Variants in ETV2 observed in about 807,000 individuals in gnomAD.
ETV2 encodes the protein ETS translocation variant 2.
A neutral mutation model predicts 35.7 loss-of-function variants in ETV2; 34 were observed. The observed-to-expected ratio is 0.95, with a 90% CI of 0.72 to 1.27. The LOEUF is 1.27. Ranked by LOEUF, ETV2 falls within the 50% of genes most tolerant of loss-of-function variation. ETV2 has a pLI of 0.00. For missense variants in ETV2, 512 were observed against 470.5 expected (o/e 1.09, Z -0.82); for synonymous variants, 207 against 203.9 (o/e 1.02, Z -0.13).
chr19:35,642,777 C>T lies in ETV2; in HGVS notation c.154+79C>T, dbSNP rs1478827389. The stretch of plus-strand genomic sequence containing the variant: ...TCCTAGGGCAAAGGGAGGAGGGGGG[C>T]GTGCCTAGGTTCCTGGGACTGGGTG... On this transcript the variant is annotated intron_variant, in intron 3 of 6. Coordinates refer to ENST00000402764, the MANE Select transcript of ETV2 (RefSeq NM_014209.4). This position sits in a 1 kb window ranked among gnomAD's most constrained non-coding sequence, Gnocchi z 4.4. 4 of 1,052,364 alleles carry T rather than the reference C, an allele frequency of 3.8e-6. No individual in the cohort carries two copies. Among genetic ancestry groups the T allele is most frequent in the Non-Finnish European group, 5.5e-6 (4 of 728,396 alleles). 65.2% of individuals were successfully genotyped at this position (1,052,364 alleles called of 1,614,324 possible).
Position 35,644,179 on chromosome 19 carries a change from A to C in ETV2, c.716-56A>C. On this transcript the variant is annotated intron_variant, in intron 5 of 6. Coordinates refer to ENST00000402764, the MANE Select transcript of ETV2 (RefSeq NM_014209.4). This position sits in a 1 kb window ranked among gnomAD's most constrained non-coding sequence, Gnocchi z 4.7. Reference sequence around the variant, plus strand: ...GAGGACCCGGACCTCTAGATCATTGAAGTGGTGTGATCTAGGGCCGGGAAG... The same window carrying C: ...GAGGACCCGGACCTCTAGATCATTGCAGTGGTGTGATCTAGGGCCGGGAAG... 1 of 1,174,222 alleles carries C rather than the reference A, an allele frequency of 8.5e-7. No homozygotes were observed. 72.7% of individuals were successfully genotyped at this position (1,174,222 alleles called of 1,614,324 possible). A position where few individuals can be genotyped will look rare whatever the true frequency, so the allele number is the denominator to read the frequency against.
In ETV2 at chr19:35,643,448, G is replaced by A; in HGVS notation, c.410G>A (p.Gly137Glu). The A allele has an allele frequency of 6.5e-7, 1 of 1,547,052 alleles. No individual in the cohort carries two copies. The highest frequency in any genetic ancestry group is 8.7e-7 in the Non-Finnish European group (1 of 1,145,720). ...GGCCAGAACTGCGTCCCCGTGGCGG[G>A]AGAGGCCACCTCGTGGTCGCGCGCC... ...AAGQNCVPVA[G>E]EATSWSRAQA... The change falls in exon 5 of 7, where the codon GGA becomes GAA. Residue 137 changes from glycine (G) to glutamate (E), a missense_variant. Coordinates refer to ENST00000402764, the MANE Select transcript of ETV2 (RefSeq NM_014209.4). This position sits in a 1 kb window ranked among gnomAD's most constrained non-coding sequence, Gnocchi z 5.0.
Position 35,644,531 on chromosome 19 carries a change from T to G in ETV2, c.829-121T>G. The G allele has an allele frequency of 9.7e-7, 1 of 1,033,110 alleles. No homozygotes were observed. Among genetic ancestry groups the G allele is most frequent in the Non-Finnish European group, 1.4e-6 (1 of 713,954 alleles). The allele number at this position is 1,033,110 out of a possible 1,614,324, so 64.0% of individuals were successfully genotyped here. On this transcript the variant is annotated intron_variant, in intron 6 of 6. Transcript: ENST00000402764. The surrounding 1 kb of genome is among the most constrained non-coding windows in gnomAD (Gnocchi z 4.7). ...TACTCCTGCCTCAACCAACCCAGTC[T>G]CCACCGGGCTCTGCGAGGCCTCGCC...
In ETV2 at chr19:35,642,607, G is replaced by A. The variant is rs1293466160; in HGVS notation, c.71-8G>A. ...CCTCTGCTGACCCTAACCCCTTATC[G>A]CCTGCAGAAGGAGCCAAATTAGGCT... On this transcript the variant is annotated splice_region_variant and splice_polypyrimidine_tract_variant and intron_variant, in intron 2 of 6. Transcript: ENST00000402764. This position sits in a 1 kb window ranked among gnomAD's most constrained non-coding sequence, Gnocchi z 4.4. 2.5e-6 allele frequency: 4 copies of A among 1,610,726 alleles called. No individual in the cohort carries two copies. Among genetic ancestry groups the A allele is most frequent in the East Asian group, 2.2e-5 (1 of 44,800 alleles).
chr19:35,644,624 A>T lies in ETV2; in HGVS notation c.829-28A>T. The T allele has an allele frequency of 6.3e-7, 1 of 1,590,364 alleles. No homozygotes were observed. Among genetic ancestry groups the T allele is most frequent in the Non-Finnish European group, 8.6e-7 (1 of 1,167,860 alleles). Reference sequence around the variant, plus strand: ...CTATCGCCAAGCCCCGCCCCTTCCCACTCCGACCGAGCGGGCCTCTGTCCT... The same window carrying T: ...CTATCGCCAAGCCCCGCCCCTTCCCTCTCCGACCGAGCGGGCCTCTGTCCT... On this transcript the variant is annotated intron_variant, in intron 6 of 6. Transcript: ENST00000402764. This position sits in a 1 kb window ranked among gnomAD's most constrained non-coding sequence, Gnocchi z 4.7.
rs145255223 is a variant in ETV2, at chr19:35,644,762, G to C, written c.939G>C (p.Gly313=). 1.4e-4 allele frequency: 230 copies of C among 1,611,112 alleles called. No homozygotes were observed. In the African/African-American group the frequency reaches 2.7e-3, roughly 19 times the overall value. Residue 313 remains glycine (G), a synonymous_variant, in exon 7 of 7, where the codon GGG becomes GGC. Coordinates refer to ENST00000402764, the MANE Select transcript of ETV2 (RefSeq NM_014209.4). This position sits in a 1 kb window ranked among gnomAD's most constrained non-coding sequence, Gnocchi z 4.7. ...YRRDIVRKSG[G]RKYTYRFGGR... is the part of the protein sequence containing the mutation. ...GCGACATCGTGCGCAAGAGCGGGGGGCGAAAGTACACGTACCGCTTCGGGG... is the reference window on the plus strand; with the variant it reads ...GCGACATCGTGCGCAAGAGCGGGGGCCGAAAGTACACGTACCGCTTCGGGG...
Position 35,642,865 on chromosome 19 carries a change from C to T in ETV2, c.155-100C>T, listed in dbSNP as rs1331323433. 2 of 980,530 alleles carry T rather than the reference C, an allele frequency of 2.0e-6. No individual in the cohort carries two copies. 60.7% of individuals were successfully genotyped at this position (980,530 alleles called of 1,614,324 possible). A position where few individuals can be genotyped will look rare whatever the true frequency, so the allele number is the denominator to read the frequency against. ...AAAGGGGGCGCGGGGTGCTGAAATACGGGCTGGGGGGCCATAACTCCCAGT... is the reference window on the plus strand; with the variant it reads ...AAAGGGGGCGCGGGGTGCTGAAATATGGGCTGGGGGGCCATAACTCCCAGT... On this transcript the variant is annotated intron_variant, in intron 3 of 6. Coordinates refer to ENST00000402764, the MANE Select transcript of ETV2 (RefSeq NM_014209.4). The surrounding 1 kb of genome is among the most constrained non-coding windows in gnomAD (Gnocchi z 4.4).
Position 35,644,155 on chromosome 19 carries a change from A to C in ETV2, c.716-80A>C. On this transcript the variant is annotated intron_variant, in intron 5 of 6. Coordinates refer to ENST00000402764, the MANE Select transcript of ETV2 (RefSeq NM_014209.4). The surrounding 1 kb of genome is among the most constrained non-coding windows in gnomAD (Gnocchi z 4.7). The stretch of plus-strand genomic sequence containing the variant: ...CTCGGGTCCTGGGTCCCGAGTTGGG[A>C]GGACCCGGACCTCTAGATCATTGAA... The C allele has an allele frequency of 2.0e-6, 2 of 980,478 alleles. No homozygotes were observed. The highest frequency in any genetic ancestry group is 3.2e-6 in the Non-Finnish European group (2 of 632,832). 60.7% of individuals were successfully genotyped at this position (980,478 alleles called of 1,614,324 possible). A position where few individuals can be genotyped will look rare whatever the true frequency, so the allele number is the denominator to read the frequency against.
At position 35,643,167 on chromosome 19, in the gene ETV2, G is replaced by A; in HGVS notation, c.236-107G>A. Reference sequence around the variant, plus strand: ...CTGCGCCCTCAAGGTGGCATGACCTGGATCCGGGTCAGCCGGGCCCCAAGT... The same window carrying A: ...CTGCGCCCTCAAGGTGGCATGACCTAGATCCGGGTCAGCCGGGCCCCAAGT... On this transcript the variant is annotated intron_variant, in intron 4 of 6. Transcript: ENST00000402764. This position sits in a 1 kb window ranked among gnomAD's most constrained non-coding sequence, Gnocchi z 5.0. 1 of 1,477,650 alleles carries A rather than the reference G, an allele frequency of 6.8e-7. No homozygotes were observed. 91.5% of individuals were successfully genotyped at this position (1,477,650 alleles called of 1,614,324 possible).
In ETV2 at chr19:35,643,359, G is replaced by A. The variant is rs751766994; in HGVS notation, c.321G>A (p.Gln107=). The change falls in exon 5 of 7, where the codon CAG becomes CAA. Residue 107 remains glutamine, a synonymous_variant. Transcript: ENST00000402764. This position sits in a 1 kb window ranked among gnomAD's most constrained non-coding sequence, Gnocchi z 5.0. ...TAWDSWSGAS[Q]TLGPAPLGPG... is the part of the protein sequence containing the mutation. Reference sequence around the variant, plus strand: ...GGGACTCTTGGAGCGGCGCCTCGCAGACCCTGGGCCCCGCCCCTCTCGGCC... The same window carrying A: ...GGGACTCTTGGAGCGGCGCCTCGCAAACCCTGGGCCCCGCCCCTCTCGGCC... The A allele has an allele frequency of 6.3e-7, 1 of 1,581,504 alleles. No homozygotes were observed. Among genetic ancestry groups the A allele is most frequent in the Admixed American group, 1.8e-5 (1 of 55,534 alleles).
At position 35,644,404 on chromosome 19, in the gene ETV2, C is replaced by A; in HGVS notation, c.828+57C>A. On this transcript the variant is annotated intron_variant, in intron 6 of 6. Transcript: ENST00000402764. The surrounding 1 kb of genome is among the most constrained non-coding windows in gnomAD (Gnocchi z 4.7). ...CCCCGTCTCTTCTAGTTCAATTTAG[C>A]TCCGCCCAAGGGCTAGGTTCAACCG... 3 of 1,246,738 alleles carry A rather than the reference C, an allele frequency of 2.4e-6. No individual in the cohort carries two copies. Among genetic ancestry groups the A allele is most frequent in the Non-Finnish European group, 2.3e-6 (2 of 875,118 alleles). The allele number at this position is 1,246,738 out of a possible 1,614,324, so 77.2% of individuals were successfully genotyped here.
chr19:35,643,068 G>A lies in ETV2; in HGVS notation c.235+23G>A. Reference sequence around the variant, plus strand: ...CGGGTGAGTGTGGGGAGAGGCGGTGGGAGGTGGGGACTGGGGTCCCGAGGC... The same window carrying A: ...CGGGTGAGTGTGGGGAGAGGCGGTGAGAGGTGGGGACTGGGGTCCCGAGGC... On this transcript the variant is annotated intron_variant, in intron 4 of 6. Coordinates refer to ENST00000402764, the MANE Select transcript of ETV2 (RefSeq NM_014209.4). This position sits in a 1 kb window ranked among gnomAD's most constrained non-coding sequence, Gnocchi z 5.0. The A allele has an allele frequency of 6.7e-7, 1 of 1,488,474 alleles. No individual in the cohort carries two copies. Among genetic ancestry groups the A allele is most frequent in the Non-Finnish European group, 9.1e-7 (1 of 1,094,748 alleles). The allele number at this position is 1,488,474 out of a possible 1,614,324, so 92.2% of individuals were successfully genotyped here. A position where few individuals can be genotyped will look rare whatever the true frequency, so the allele number is the denominator to read the frequency against.
At position 35,644,837 on chromosome 19, in the gene ETV2, A is replaced by G. The variant is rs1461636351; in HGVS notation, c.1014A>G (p.Gly338=). Residue 338 remains glycine, a synonymous_variant, in exon 7 of 7, where the codon GGA becomes GGG. Transcript: ENST00000402764. The surrounding 1 kb of genome is among the most constrained non-coding windows in gnomAD (Gnocchi z 4.7). Reference sequence around the variant, plus strand: ...CGGACTGTGCGGGAGGCGGACGGGGAGCAGAGACACAATAAAAATTCCCGG... The same window carrying G: ...CGGACTGTGCGGGAGGCGGACGGGGGGCAGAGACACAATAAAAATTCCCGG... The part of the protein sequence containing the change: ...AYPDCAGGGR[G]AETQ 1 of 1,604,520 alleles carries G rather than the reference A, an allele frequency of 6.2e-7. No individual in the cohort carries two copies. Among genetic ancestry groups the G allele is most frequent in the Admixed American group, 1.7e-5 (1 of 58,328 alleles).
Position 35,643,365 on chromosome 19 carries a change from G to T in ETV2, c.327G>T (p.Leu109=). ...WDSWSGASQT[L]GPAPLGPGPI... is the part of the protein sequence containing the mutation. ...CTTGGAGCGGCGCCTCGCAGACCCTGGGCCCCGCCCCTCTCGGCCCGGGCC... is the reference window on the plus strand; with the variant it reads ...CTTGGAGCGGCGCCTCGCAGACCCTTGGCCCCGCCCCTCTCGGCCCGGGCC... The change falls in exon 5 of 7, where the codon CTG becomes CTT. Residue 109 remains leucine (L), a synonymous_variant. Coordinates refer to ENST00000402764, the MANE Select transcript of ETV2 (RefSeq NM_014209.4). This position sits in a 1 kb window ranked among gnomAD's most constrained non-coding sequence, Gnocchi z 5.0. 1 of 1,575,662 alleles carries T rather than the reference G, an allele frequency of 6.3e-7. No homozygotes were observed.
rs1258779934 is a variant in ETV2, at chr19:35,642,771, G to A, written c.154+73G>A. The A allele has an allele frequency of 1.7e-5, 21 of 1,271,956 alleles. No individual in the cohort carries two copies. The highest frequency in any genetic ancestry group is 4.1e-5 in the Admixed American group (2 of 48,664). 78.8% of individuals were successfully genotyped at this position (1,271,956 alleles called of 1,614,324 possible). The stretch of plus-strand genomic sequence containing the variant: ...CTGGGATCCTAGGGCAAAGGGAGGA[G>A]GGGGGCGTGCCTAGGTTCCTGGGAC... On this transcript the variant is annotated intron_variant, in intron 3 of 6. Transcript: ENST00000402764. This position sits in a 1 kb window ranked among gnomAD's most constrained non-coding sequence, Gnocchi z 4.4.
rs1967693173 is a variant in ETV2 at position 35,643,844 on chromosome 19, CAGTG to C, written c.715+94_715+97del. On this transcript the variant is annotated intron_variant, in intron 5 of 6. Transcript: ENST00000402764. The surrounding 1 kb of genome is among the most constrained non-coding windows in gnomAD (Gnocchi z 5.0). ...AAGGGGGCGGGGCCCGGGAGACTGA[CAGTG>C]AGGGGGCGGGGGCTTAGGGACCAGG... The C allele has an allele frequency of 1.5e-5, 24 of 1,556,112 alleles. No individual in the cohort carries two copies. In the South Asian group the frequency reaches 2.8e-4, roughly 18 times the overall value.
In ETV2 at chr19:35,643,158, G is replaced by T; in HGVS notation, c.235+113G>T. ...TGAGAACACCTGCGCCCTCAAGGTG[G>T]CATGACCTGGATCCGGGTCAGCCGG... On this transcript the variant is annotated intron_variant, in intron 4 of 6. Transcript: ENST00000402764. The surrounding 1 kb of genome is among the most constrained non-coding windows in gnomAD (Gnocchi z 5.0). The T allele has an allele frequency of 6.9e-7, 1 of 1,448,234 alleles. No homozygotes were observed. Among genetic ancestry groups the T allele is most frequent in the Non-Finnish European group, 9.3e-7 (1 of 1,070,440 alleles). 89.7% of individuals were successfully genotyped at this position (1,448,234 alleles called of 1,614,324 possible).
Position 35,642,798 on chromosome 19 carries a change from G to C in ETV2, c.154+100G>C, listed in dbSNP as rs1198912765. The stretch of plus-strand genomic sequence containing the variant: ...GGGGCGTGCCTAGGTTCCTGGGACT[G>C]GGTGGGGAGGGGCCGCGTGCTTGAC... On this transcript the variant is annotated intron_variant, in intron 3 of 6. Coordinates refer to ENST00000402764, the MANE Select transcript of ETV2 (RefSeq NM_014209.4). The surrounding 1 kb of genome is among the most constrained non-coding windows in gnomAD (Gnocchi z 4.4). 3.7e-6 allele frequency: 4 copies of C among 1,069,850 alleles called. No homozygotes were observed. Among genetic ancestry groups the C allele is most frequent in the Non-Finnish European group, 5.6e-6 (4 of 716,796 alleles). 66.3% of individuals were successfully genotyped at this position (1,069,850 alleles called of 1,614,324 possible).
Position 35,642,982 on chromosome 19 carries a change from G to A in ETV2, c.172G>A (p.Ala58Thr), listed in dbSNP as rs535575795. 52 of 1,573,196 alleles carry A rather than the reference G, an allele frequency of 3.3e-5. No individual in the cohort carries two copies. In the South Asian group the frequency reaches 5.6e-4, roughly 17 times the overall value. Residue 58 changes from alanine to threonine, a missense_variant, in exon 4 of 7, where the codon GCA (alanine) becomes ACA (threonine). Transcript: ENST00000402764. This position sits in a 1 kb window ranked among gnomAD's most constrained non-coding sequence, Gnocchi z 4.4. ...AAACTCAGGTACAAGCTCATCCCTG[G>A]CAAGCTTCCCACAGCTGGACTGGGG... ...TCWKGTSSSL[A>T]SFPQLDWGSA...
Sources: allele counts gnomAD v4.1 joint callset, GRCh38; gene constraint gnomAD v4.1.1; non-coding constraint Gnocchi (gnomAD v3.1); transcripts MANE v1.5; gene names NCBI Gene and HGNC (gene_info 2026-07-23, HGNC 2026-07-21).